The following PCBD1 variants were observed in gnomAD, a reference collection of about 807,000 sequenced individuals.
The protein encoded by PCBD1 is pterin-4-alpha-carbinolamine dehydratase.
In PCBD1, 16 loss-of-function variants were observed where a neutral mutation model predicts 12.6. That is an observed-to-expected ratio of 1.27 (90% CI 0.86 to 1.93). The LOEUF (loss-of-function observed/expected upper bound fraction) is 1.93, where lower values mean the gene tolerates loss of function less well. Ranked by LOEUF, PCBD1 falls within the 30% of genes most tolerant of loss-of-function variation. PCBD1 has a pLI of 0.00. For missense variants in PCBD1, 86 were observed against 130.1 expected (o/e 0.66, Z 1.65); for synonymous variants, 53 against 50.2 (o/e 1.05, Z -0.23).
intron 1 of PCBD1, among the ~76,000 whole-genome samples, chr10:70,886,672 C>T (rs1006196121): frequency 2.0e-5 from 3 of 152,240 alleles, no homozygotes; most frequent in African/African-American, 4.8e-5. Flanking sequence ...CCTGAGCCGC[C>T]AGGGCTAGGT....
intron 3 of PCBD1, among the ~76,000 whole-genome samples, chr10:70,884,757 C>T (rs1367941243): frequency 2.6e-5 from 4 of 152,132 alleles, no homozygotes; most frequent in African/African-American, 9.7e-5. Flanking sequence ...TGTGTGTATT[C>T]TTAGTTCAAG....
rs749131919 is a variant in PCBD1, at chr10:70,885,976, G to T, written c.4-47C>A. The T allele has an allele frequency of 3.7e-6, 6 of 1,605,816 alleles. No individual in the cohort carries two copies. In the South Asian group the frequency reaches 4.4e-5, roughly 12 times the overall value. On this transcript the variant is annotated intron_variant, in intron 1 of 3. Transcript: ENST00000299299. ...AGGCCCAAGGGCATTTCTCTTTATA[G>T]GTCAAAACAGAGGGGCTCCAACCTT... is the stretch of plus-strand genomic sequence containing the variant.
In PCBD1 at chr10:70,884,505, G is replaced by A. The variant is rs1326132600; in HGVS notation, c.217-457C>T. 8.3e-5 allele frequency among the ~76,000 whole-genome samples: 9 copies of A among 109,020 alleles called. No individual in the cohort carries two copies. In the Admixed American group the frequency reaches 9.4e-4, roughly 11 times the overall value. 71.5% of individuals were successfully genotyped at this position (109,020 alleles called of 152,430 possible). ...TTTTTTTTTTTTTTTTTTTTGAGAC[G>A]GAGTCTTGCTCTGTCTCCCAGGCTG... On this transcript the variant is annotated intron_variant, in intron 3 of 3. Coordinates refer to ENST00000299299, the MANE Select transcript of PCBD1 (RefSeq NM_000281.4).
At position 70,884,011 on chromosome 10, in the gene PCBD1, A is replaced by ACCCAT. The variant is rs1846541561; in HGVS notation, c.253_254insATGGG (p.Leu85HisfsTer8). On this transcript the variant is annotated frameshift_variant, in exon 4 of 4. Transcript: ENST00000299299. LOFTEE classifies it high-confidence loss of function. ...GGCCAGGTTTATGTCCCGTTCTGAA[A>ACCCAT]GGCCGGCACACTCATGGGTGCTCAG... 12 of 1,614,030 alleles carry ACCCAT rather than the reference A, an allele frequency of 7.4e-6. No homozygotes were observed. The highest frequency in any genetic ancestry group is 1.0e-5 in the Non-Finnish European group (12 of 1,180,032).
downstream of PCBD1, chr10:70,882,513 G>A (rs1846515038): frequency 6.6e-6 from 1 of 152,240 alleles, no homozygotes; most frequent in Non-Finnish European, 1.5e-5. Flanking sequence ...TTCAGTTTAA[G>A]TCCGAAAGCA....
chr10:70,884,574 C>T (rs889026277), intron 3 of PCBD1, among the ~76,000 whole-genome samples: 10 of 150,836 alleles, frequency 6.6e-5, no homozygotes, highest in Admixed American at 5.3e-4. Flanking sequence ...CTCCGCCTCC[C>T]GGGTTCCCAC....
chr10:70,888,557 A>G lies in PCBD1; in HGVS notation c.-24T>C. 1 of 1,231,806 alleles carries G rather than the reference A, an allele frequency of 8.1e-7. No individual in the cohort carries two copies. Among genetic ancestry groups the G allele is most frequent in the African/African-American group, 1.6e-5 (1 of 63,890 alleles). 76.3% of individuals were successfully genotyped at this position (1,231,806 alleles called of 1,614,324 possible). ...ATGGCGCGGGCGGCAGCAGGTGGCC[A>G]GCGGAGAGGGCAGGCGGCGGCCGGG... is the stretch of plus-strand genomic sequence containing the variant. On this transcript the variant is annotated 5_prime_UTR_variant, in exon 1 of 4. Transcript: ENST00000299299.
Position 70,883,624 on chromosome 10 carries a change from G to C in PCBD1, c.*326C>G. On this transcript the variant is annotated 3_prime_UTR_variant, in exon 4 of 4. Coordinates refer to ENST00000299299, the MANE Select transcript of PCBD1 (RefSeq NM_000281.4). ...AGACTTTATTTCACCCTGTATCACA[G>C]CTTCCTGGGAAATGAATTAGGGAGC... The C allele has an allele frequency of 8.1e-7, 1 of 1,233,774 alleles. No homozygotes were observed. The highest frequency in any genetic ancestry group is 1.0e-6 in the Non-Finnish European group (1 of 972,876). 76.4% of individuals were successfully genotyped at this position (1,233,774 alleles called of 1,614,324 possible).
intron 2 of PCBD1, 72 bp downstream of exon 2, chr10:70,885,726 G>C (rs1846571255): frequency 6.3e-7 from 1 of 1,582,830 alleles, no homozygotes; most frequent in Admixed American, 1.7e-5. Context: ...AGACGTGAAG[G>C]GAGAGAACAT....
chr10:70,888,520 C>T lies in PCBD1; in HGVS notation c.3+11G>A, dbSNP rs1303857902. Reference sequence around the variant, plus strand: ...GCTGCCCCGATCGCGGCCGCGCACCCCTGGACTCACCATGGCGCGGGCGGC... The same window carrying T: ...GCTGCCCCGATCGCGGCCGCGCACCTCTGGACTCACCATGGCGCGGGCGGC... On this transcript the variant is annotated intron_variant, in intron 1 of 3. Coordinates refer to ENST00000299299, the MANE Select transcript of PCBD1 (RefSeq NM_000281.4). 2 of 1,319,808 alleles carry T rather than the reference C, an allele frequency of 1.5e-6. No individual in the cohort carries two copies. Among genetic ancestry groups the T allele is most frequent in the South Asian group, 2.1e-5 (1 of 48,294 alleles). 81.8% of individuals were successfully genotyped at this position (1,319,808 alleles called of 1,614,324 possible).
At position 70,883,761 on chromosome 10, in the gene PCBD1, G is replaced by A. The variant is rs1005104626; in HGVS notation, c.*189C>T. On this transcript the variant is annotated 3_prime_UTR_variant, in exon 4 of 4. Transcript: ENST00000299299. ...CCCCAGGATGAAGAGAGTGGTGCAG[G>A]GAAAAGGTCTAAATTCCTGGTGTTG... The A allele has an allele frequency of 6.8e-7, 1 of 1,479,316 alleles. No homozygotes were observed. The highest frequency in any genetic ancestry group is 9.0e-7 in the Non-Finnish European group (1 of 1,113,572). The allele number at this position is 1,479,316 out of a possible 1,614,324, so 91.6% of individuals were successfully genotyped here. A position where few individuals can be genotyped will look rare whatever the true frequency, so the allele number is the denominator to read the frequency against.
intron 1 of PCBD1, among the ~76,000 whole-genome samples, chr10:70,887,037 G>A (rs1173797584): frequency 6.6e-6 from 1 of 152,078 alleles, no homozygotes; most frequent in East Asian, 1.9e-4. Flanking sequence ...CTTTTATGAG[G>A]CAGCCTGCAG....
At position 70,883,831 on chromosome 10, in the gene PCBD1, G is replaced by A. The variant is rs1846535262; in HGVS notation, c.*119C>T. On this transcript the variant is annotated 3_prime_UTR_variant, in exon 4 of 4. Coordinates refer to ENST00000299299, the MANE Select transcript of PCBD1 (RefSeq NM_000281.4). ...CCACAGCAAGGACTCAGCCCTCAAC[G>A]GCGGCGGCTGGGTCTTGGGAGGGGA... 2 of 1,537,100 alleles carry A rather than the reference G, an allele frequency of 1.3e-6. No individual in the cohort carries two copies. The highest frequency in any genetic ancestry group is 2.0e-5 in the Admixed American group (1 of 50,910).
downstream of PCBD1, among the ~76,000 whole-genome samples, chr10:70,882,952 T>C (rs562372338): frequency 4.9e-4 from 66 of 134,468 alleles, 1 homozygote; most frequent in South Asian, 0.018. Context: ...CCAATGAGTA[T>C]TTCCTTTGGG....
At chr10:70,886,496 C>G (rs950720583) in intron 1 of PCBD1, among the ~76,000 whole-genome samples, 2 of 152,240 alleles carry the variant, frequency 1.3e-5, no homozygotes, top group Admixed American at 6.5e-5. Context: ...CCGCCCACCC[C>G]TAGCCAGTGA....
At chr10:70,887,069 G>A (rs965153071) in intron 1 of PCBD1, among the ~76,000 whole-genome samples, 1 of 152,126 alleles carries the variant, frequency 6.6e-6, no homozygotes, top group Non-Finnish European at 1.5e-5. Context: ...TGTGTTGATT[G>A]GCAGGAGTTT....
chr10:70,885,988 G>A (rs969998309), intron 1 of PCBD1, 59 bp from the exon 2 acceptor site: 66 of 1,598,068 alleles, frequency 4.1e-5, no homozygotes, highest in Middle Eastern at 1.7e-4. Context: ...TCAAAACAGA[G>A]GGGCTCCAAC....
At chr10:70,885,121 G>A in intron 3 of PCBD1, 31 bp downstream of exon 3, 1 of 1,579,100 alleles carries the variant, frequency 6.3e-7, no homozygotes, top group East Asian at 2.2e-5. Flanking sequence ...GATGGGGGCA[G>A]AGCACAACAG....
chr10:70,888,227 TC>T, intron 1 of PCBD1: 1 of 310,288 alleles, frequency 3.2e-6, no homozygotes, highest in Non-Finnish European at 5.9e-6. Flanking sequence ...ACGACTGTCT[TC>T]CCCGGCCCAG....
Sources: gnomAD v4.1 joint callset for allele counts (sites outside exome capture counted in the v4.1 genomes callset) on GRCh38, gnomAD v4.1.1 for gene constraint, MANE v1.5 for transcripts, NCBI Gene and HGNC (gene_info 2026-07-23, HGNC 2026-07-21) for gene names.